GUCY1A2: variants seen among roughly 807,000 people sequenced by gnomAD.
The protein encoded by GUCY1A2 is guanylate cyclase soluble subunit alpha-2.
In GUCY1A2, 27 loss-of-function variants were observed where a neutral mutation model predicts 63.5. The observed-to-expected ratio is 0.43, with a 90% CI of 0.31 to 0.59. GUCY1A2 has a LOEUF of 0.59. GUCY1A2 is among the 20% of genes least tolerant of loss of function. The probability of loss-of-function intolerance (pLI) is 0.11; values close to 1 mark genes in which losing one functional copy is unlikely to be tolerated. For missense variants in GUCY1A2, 768 were observed against 913.3 expected (o/e 0.84, Z 2.05); for synonymous variants, 364 against 343.5 (o/e 1.06, Z -0.66).
At chr11:106,745,691 T>C (rs1189418955) in intron 6 of GUCY1A2, among the ~76,000 whole-genome samples, 1 of 152,242 alleles carries the variant, frequency 6.6e-6, no homozygotes, top group Non-Finnish European at 1.5e-5. Flanking sequence ...TGTCCTAAGA[T>C]GCACACACAA....
At chr11:106,887,762 C>T (rs1296349335) in intron 4 of GUCY1A2, among the ~76,000 whole-genome samples, 5 of 152,112 alleles carry the variant, frequency 3.3e-5, no homozygotes, top group Admixed American at 1.3e-4. Flanking sequence ...GAGCCTTTGA[C>T]AGAGATGAAG....
At chr11:107,009,264 T>C (rs370722504) in intron 1 of GUCY1A2, among the ~76,000 whole-genome samples, 17 of 152,332 alleles carry the variant, frequency 1.1e-4, no homozygotes, top group African/African-American at 4.1e-4. Flanking sequence ...TATTGTTTTC[T>C]TTCTAGAAAA....
chr11:106,724,715 C>T (rs1013747153), intron 6 of GUCY1A2, among the ~76,000 whole-genome samples: 1 of 152,140 alleles, frequency 6.6e-6, no homozygotes, highest in Non-Finnish European at 1.5e-5. Flanking sequence ...GTTACTCTCG[C>T]AGCTTTCATA....
intron 4 of GUCY1A2, chr11:106,826,620 G>A: frequency 6.2e-7 from 1 of 1,604,462 alleles, no homozygotes; most frequent in Non-Finnish European, 8.5e-7. Flanking sequence ...CCTGTGCATT[G>A]TATTTTCCCA....
intron 4 of GUCY1A2, among the ~76,000 whole-genome samples, chr11:106,896,840 A>C (rs1370582867): frequency 2.0e-5 from 3 of 152,252 alleles, no homozygotes; most frequent in African/African-American, 4.8e-5. Flanking sequence ...TAAATTATCA[A>C]GACTGTGTTA....
intron 4 of GUCY1A2, among the ~76,000 whole-genome samples, chr11:106,918,035 T>C (rs2119889839): frequency 6.9e-6 from 1 of 144,336 alleles, no homozygotes; most frequent in Non-Finnish European, 1.6e-5. Flanking sequence ...TAAATTCTCA[T>C]AAAATAATTT....
intron 4 of GUCY1A2, among the ~76,000 whole-genome samples, chr11:106,830,341 G>A (rs1859033389): frequency 6.6e-6 from 1 of 152,150 alleles, no homozygotes; most frequent in South Asian, 2.1e-4. Flanking sequence ...GGTTCAAGTT[G>A]ACAAGGGGTG....
intron 4 of GUCY1A2, among the ~76,000 whole-genome samples, chr11:106,820,740 A>G (rs1423740319): frequency 1.3e-5 from 2 of 152,082 alleles, no homozygotes; most frequent in Non-Finnish European, 2.9e-5. Context: ...AGCAGAAAAG[A>G]TTTGCCTTTT....
chr11:106,827,038 T>C (rs1858980350), intron 4 of GUCY1A2: 4 of 1,589,038 alleles, frequency 2.5e-6, no homozygotes, highest in African/African-American at 1.3e-5. Context: ...AACTGACGTA[T>C]GGTCTCTTGG....
At chr11:106,709,373 TTA>T (rs1372166285) in intron 6 of GUCY1A2, among the ~76,000 whole-genome samples, 8 of 99,066 alleles carry the variant, frequency 8.1e-5, no homozygotes, top group Admixed American at 6.2e-4. Flanking sequence ...TATATATAAA[TTA>T]TATATATTAT....
At chr11:106,852,951 A>G (rs1424832233) in intron 4 of GUCY1A2, among the ~76,000 whole-genome samples, 1 of 152,106 alleles carries the variant, frequency 6.6e-6, no homozygotes, top group African/African-American at 2.4e-5. Flanking sequence ...TCCTTTCAGC[A>G]CTTGGAATAG....
At chr11:106,778,390 T>C (rs1252087614) in intron 5 of GUCY1A2, among the ~76,000 whole-genome samples, 1 of 152,228 alleles carries the variant, frequency 6.6e-6, no homozygotes, top group Non-Finnish European at 1.5e-5. Context: ...TGTATCTATA[T>C]AAAGTCAATA....
rs1205599584 is a variant in GUCY1A2, at chr11:106,675,158, G to T, written c.*12391C>A. 2 of 207,948 alleles carry T rather than the reference G, an allele frequency of 9.6e-6. No homozygotes were observed. Among genetic ancestry groups the T allele is most frequent in the African/African-American group, 4.6e-5 (2 of 43,900 alleles). 12.9% of individuals were successfully genotyped at this position (207,948 alleles called of 1,614,324 possible). Reference sequence around the variant, plus strand: ...ATTATTTCTGGAATGCACTTAATCAGTATTTTAAAAGCATAATGAGACAGT... The same window carrying T: ...ATTATTTCTGGAATGCACTTAATCATTATTTTAAAAGCATAATGAGACAGT... On this transcript the variant is annotated 3_prime_UTR_variant, in exon 8 of 8. Transcript: ENST00000526355.
At chr11:106,713,972 AAGTG>A (rs1354637329) in intron 6 of GUCY1A2, among the ~76,000 whole-genome samples, 2 of 151,370 alleles carry the variant, frequency 1.3e-5, no homozygotes, top group East Asian at 2.0e-4. Context: ...AGGAGAGCAG[AAGTG>A]AGTATTACAC....
chr11:106,754,256 C>A (rs1467884884), intron 6 of GUCY1A2, among the ~76,000 whole-genome samples: 1 of 152,158 alleles, frequency 6.6e-6, no homozygotes, highest in East Asian at 1.9e-4. Context: ...AGATTTGGGG[C>A]TGAGATGATG....
intron 3 of GUCY1A2, among the ~76,000 whole-genome samples, chr11:106,968,624 G>C (rs780749661): frequency 1.3e-5 from 2 of 152,050 alleles, no homozygotes; most frequent in Non-Finnish European, 2.9e-5. Context: ...CAACACTGGA[G>C]GTTCTCCCTC....
Position 106,681,483 on chromosome 11 carries a change from A to G in GUCY1A2, c.*6066T>C, listed in dbSNP as rs2135327629. On this transcript the variant is annotated 3_prime_UTR_variant, in exon 8 of 8. Coordinates refer to ENST00000526355, the MANE Select transcript of GUCY1A2 (RefSeq NM_000855.3). ...TGGGCAACATTATAAATAATACACAAATCTCTTTGACAGGAATAGAAATCA... is the reference window on the plus strand; with the variant it reads ...TGGGCAACATTATAAATAATACACAGATCTCTTTGACAGGAATAGAAATCA... The G allele has an allele frequency of 4.5e-6, 1 of 220,716 alleles. No homozygotes were observed. The allele number at this position is 220,716 out of a possible 1,614,324, so 13.7% of individuals were successfully genotyped here.
chr11:106,717,606 C>T (rs1015381123), intron 6 of GUCY1A2, among the ~76,000 whole-genome samples: 6 of 152,084 alleles, frequency 3.9e-5, no homozygotes, highest in Admixed American at 2.6e-4. Context: ...AGAAAAAGCC[C>T]GTAAGCTCTT....
At chr11:106,976,446 T>C (rs1329871337) in intron 3 of GUCY1A2, among the ~76,000 whole-genome samples, 2 of 152,106 alleles carry the variant, frequency 1.3e-5, no homozygotes, top group Admixed American at 6.5e-5. Flanking sequence ...GATAAAAATC[T>C]AAACAAGCCA....
Sources: gnomAD v4.1 joint callset for allele counts (sites outside exome capture counted in the v4.1 genomes callset) on GRCh38, gnomAD v4.1.1 for gene constraint, MANE v1.5 for transcripts, NCBI Gene and HGNC (gene_info 2026-07-23, HGNC 2026-07-21) for gene names.